The following TSNARE1 variants were observed in gnomAD, a reference collection of about 807,000 sequenced individuals.
TSNARE1 encodes the protein t-SNARE domain-containing protein 1.
A neutral mutation model predicts 62.0 loss-of-function variants in TSNARE1; 49 were observed. The observed-to-expected ratio is 0.79, with a 90% CI of 0.63 to 1.00. TSNARE1 has a LOEUF of 1.00. TSNARE1 is among the 50% of genes least tolerant of loss of function. TSNARE1 has a pLI of 0.00. For missense variants in TSNARE1, 755 were observed against 700.1 expected, an observed-to-expected ratio of 1.08 and a Z score of -0.88; for synonymous variants, 328 against 294.4, an observed-to-expected ratio of 1.11 and a Z score of -1.17.
chr8:142,282,668 G>T (rs1376645643), intron 11 of TSNARE1, among the ~76,000 whole-genome samples: 1 of 149,956 alleles, frequency 6.7e-6, no homozygotes, highest in Non-Finnish European at 1.5e-5. Flanking sequence ...GAGCGGAGGT[G>T]GGGCCACTGT....
At chr8:142,256,536 CCAT>C (rs1422499741) in intron 12 of TSNARE1, among the ~76,000 whole-genome samples, 1 of 42,116 alleles carries the variant, frequency 2.4e-5, no homozygotes, top group Non-Finnish European at 9.3e-5. Context: ...ATCACCATCA[CCAT>C]CACCACCATC....
intron 1 of TSNARE1, among the ~76,000 whole-genome samples, chr8:142,394,956 A>T (rs1235376314): frequency 6.6e-6 from 1 of 152,088 alleles, no homozygotes; most frequent in Non-Finnish European, 1.5e-5. Context: ...CAAGCAGGTG[A>T]CCCGGTCTCC....
chr8:142,318,159 G>C (rs1291447287), intron 7 of TSNARE1, among the ~76,000 whole-genome samples: 1 of 152,204 alleles, frequency 6.6e-6, no homozygotes, highest in Admixed American at 6.5e-5. Flanking sequence ...AGGTGGCCTT[G>C]GGTGGCGGAT....
intron 7 of TSNARE1, among the ~76,000 whole-genome samples, chr8:142,317,789 C>T (rs145539060): frequency 0.026 from 3,991 of 152,176 alleles, 124 homozygotes; most frequent in African/African-American, 0.078. Context: ...GAAACCCCAC[C>T]TCTACTAAAA....
intron 10 of TSNARE1, among the ~76,000 whole-genome samples, chr8:142,298,556 A>G (rs1825148277): frequency 6.6e-6 from 1 of 152,048 alleles, no homozygotes; most frequent in Non-Finnish European, 1.5e-5. Context: ...AGGAGGCTGG[A>G]GGTGGGCCAG....
At chr8:142,355,171 C>A (rs925033796) in intron 1 of TSNARE1, among the ~76,000 whole-genome samples, 1 of 152,224 alleles carries the variant, frequency 6.6e-6, no homozygotes, top group South Asian at 2.1e-4. Flanking sequence ...AGGCCCAGGC[C>A]GGGCTGAGAA....
intron 4 of TSNARE1, among the ~76,000 whole-genome samples, chr8:142,336,541 G>A (rs1485360844): frequency 1.3e-5 from 2 of 152,114 alleles, no homozygotes; most frequent in African/African-American, 4.8e-5. Context: ...AAGTATGTAT[G>A]CACCTAATGT....
intron 1 of TSNARE1, among the ~76,000 whole-genome samples, chr8:142,379,490 C>T (rs142819850): frequency 1.3e-5 from 2 of 152,352 alleles, no homozygotes; most frequent in East Asian, 3.9e-4. Flanking sequence ...ACAAACACGG[C>T]CAACACCACT....
chr8:142,361,897 C>T (rs1428976345), intron 1 of TSNARE1, among the ~76,000 whole-genome samples: 1 of 152,220 alleles, frequency 6.6e-6, no homozygotes, highest in Non-Finnish European at 1.5e-5. Context: ...CGCCCCACCA[C>T]AGGGAGAAAC....
chr8:142,270,409 T>C lies in TSNARE1; in HGVS notation c.1446+4372A>G, dbSNP rs955770184. ...GTCATTTTATGCTTATGTAAAAAAA[T>C]ACTTTTTGCAAGAAAAATCTACAGG... On this transcript the variant is annotated intron_variant, in intron 12 of 13. Coordinates refer to ENST00000524325, the MANE Select transcript of TSNARE1 (RefSeq NM_145003.5). 14 of 985,068 alleles carry C rather than the reference T, an allele frequency of 1.4e-5. No individual in the cohort carries two copies. In the African/African-American group the frequency reaches 2.3e-4, roughly 16 times the overall value. 61.0% of individuals were successfully genotyped at this position (985,068 alleles called of 1,614,324 possible).
At chr8:142,236,444 G>A (rs151276010) in intron 12 of TSNARE1, among the ~76,000 whole-genome samples, 10 of 151,966 alleles carry the variant, frequency 6.6e-5, no homozygotes, top group East Asian at 3.9e-4. Flanking sequence ...CCAAGTATCC[G>A]CTGGGCACCC....
intron 1 of TSNARE1, among the ~76,000 whole-genome samples, chr8:142,382,330 C>G (rs538997972): frequency 6.6e-6 from 1 of 152,192 alleles, no homozygotes; most frequent in Non-Finnish European, 1.5e-5. Flanking sequence ...CGATCGCTAA[C>G]GGCACAAATG....
At position 142,272,619 on chromosome 8, in the gene TSNARE1, T is replaced by C; in HGVS notation, c.1446+2162A>G. 5.4e-6 allele frequency: 2 copies of C among 369,822 alleles called. 1 individual carries two copies. The highest frequency in any genetic ancestry group is 6.2e-6 in the Non-Finnish European group (2 of 320,424). The allele number at this position is 369,822 out of a possible 1,614,324, so 22.9% of individuals were successfully genotyped here. On this transcript the variant is annotated intron_variant, in intron 12 of 13. Coordinates refer to ENST00000524325, the MANE Select transcript of TSNARE1 (RefSeq NM_145003.5). ...ATCCACCCACCCATCTACACCTTCC[T>C]CCTTCCATCCATCCACCCGCCCATC...
At chr8:142,263,111 A>G (rs745519415) in intron 12 of TSNARE1, among the ~76,000 whole-genome samples, 2 of 152,282 alleles carry the variant, frequency 1.3e-5, no homozygotes, top group South Asian at 2.1e-4. Context: ...TTTTTAAAGG[A>G]GGGCTCCTCA....
intron 12 of TSNARE1, among the ~76,000 whole-genome samples, chr8:142,242,892 G>A (rs1412601539): frequency 6.7e-6 from 1 of 149,176 alleles, no homozygotes; most frequent in Non-Finnish European, 1.5e-5. Flanking sequence ...AACCCGGGAG[G>A]TGGAGGTTGC....
intron 1 of TSNARE1, among the ~76,000 whole-genome samples, chr8:142,364,289 C>T (rs926132228): frequency 2.0e-4 from 31 of 152,226 alleles, no homozygotes; most frequent in African/African-American, 6.5e-4. Context: ...TAAGCACTCC[C>T]GCGCTCACTC....
chr8:142,364,217 C>T lies in TSNARE1; in HGVS notation c.-39-9454G>A, dbSNP rs192486524. Among the ~76,000 whole-genome samples the T allele has an allele frequency of 4.6e-5, 7 of 152,306 alleles. 1 individual carries two copies. Among genetic ancestry groups the T allele is most frequent in the African/African-American group, 1.7e-4 (7 of 41,566 alleles). On this transcript the variant is annotated intron_variant, in intron 1 of 13. Transcript: ENST00000524325. ...CTGAGGTCTGCCCTCATGGCAGTCTCCCTGCTGGACCATGAGCTACGGAGG... is the reference window on the plus strand; with the variant it reads ...CTGAGGTCTGCCCTCATGGCAGTCTTCCTGCTGGACCATGAGCTACGGAGG...
intron 12 of TSNARE1, chr8:142,270,849 A>C (rs1279207106): frequency 2.0e-6 from 2 of 985,316 alleles, no homozygotes; most frequent in African/African-American, 3.5e-5. Flanking sequence ...ACTGAGTCCC[A>C]CAGGTCGGCT....
chr8:142,276,175 C>A, intron 11 of TSNARE1: 5 of 985,438 alleles, frequency 5.1e-6, no homozygotes, highest in Non-Finnish European at 6.0e-6. Flanking sequence ...CAGGCTCCTG[C>A]ACAAGGAGCC....
Sources: gnomAD v4.1 joint callset for allele counts (sites outside exome capture counted in the v4.1 genomes callset) on GRCh38, gnomAD v4.1.1 for gene constraint, MANE v1.5 for transcripts, NCBI Gene and HGNC (gene_info 2026-07-23, HGNC 2026-07-21) for gene names.